Variants in FBXO34 observed in about 807,000 individuals in gnomAD.
FBXO34 encodes F-box only protein 34.
A neutral mutation model predicts 24.5 loss-of-function variants in FBXO34; 12 were observed. The observed-to-expected ratio is 0.49, with a 90% confidence interval of 0.31 to 0.79. FBXO34 has a LOEUF of 0.79. Among genes scored for constraint, FBXO34 ranks in the 30% least tolerant of loss-of-function variants. The pLI, the probability that FBXO34 is intolerant of heterozygous loss-of-function variation, is 0.04. For missense variants in FBXO34, 823 were observed against 857.7 expected (o/e 0.96, Z 0.51); for synonymous variants, 320 against 311.9 (o/e 1.03, Z -0.27).
chr14:55,320,489 C>T (rs1883092014), intron 1 of FBXO34, among the ~76,000 whole-genome samples: 3 of 152,184 alleles, frequency 2.0e-5, no homozygotes, highest in African/African-American at 4.8e-5. Context: ...TGGTGGCTCA[C>T]GCCTGTAATC....
At chr14:55,364,028 G>A (rs548811687), downstream of FBXO34, among the ~76,000 whole-genome samples, 4 of 151,550 alleles carry the variant, frequency 2.6e-5, no homozygotes, top group East Asian at 7.8e-4. Flanking sequence ...TCAGCTCATT[G>A]CAACCTCTGC....
downstream of FBXO34, chr14:55,354,437 C>T (rs1304569730): frequency 1.3e-5 from 2 of 152,170 alleles, no homozygotes; most frequent in African/African-American, 2.4e-5. Context: ...CTGACATTGA[C>T]TATGGCTCTA....
At position 55,342,925 on chromosome 14, in the gene FBXO34, G is replaced by A. The variant is rs370076900; in HGVS notation, c.-10-7456G>A. ...TCATAGTGGGGAAAGTATAGATCCA[G>A]GAGACTGTATTTCCTATCTAATTCT... On this transcript the variant is annotated intron_variant, in intron 1 of 1. Coordinates refer to ENST00000313833, the MANE Select transcript of FBXO34 (RefSeq NM_017943.4). Among the ~76,000 whole-genome samples the A allele has an allele frequency of 3.2e-4, 49 of 152,324 alleles. 1 individual carries two copies. Among genetic ancestry groups the A allele is most frequent in the African/African-American group, 1.2e-3 (49 of 41,572 alleles).
chr14:55,331,183 G>A (rs115973147), intron 1 of FBXO34, among the ~76,000 whole-genome samples: 3,007 of 152,204 alleles, frequency 0.02, 77 homozygotes, highest in African/African-American at 0.069. Flanking sequence ...GGCCCCACTA[G>A]GTAGTTTCAA....
At chr14:55,419,432 C>T in the FBXO34 span, among the ~76,000 whole-genome samples, 3 of 152,108 alleles carry the variant, frequency 2.0e-5, no homozygotes, top group Non-Finnish European at 4.4e-5. Flanking sequence ...TTTGTTATAC[C>T]CCATTCCAGC....
chr14:55,271,455 G>A lies in FBXO34; in HGVS notation c.-93G>A, dbSNP rs1881139662. On this transcript the variant is annotated 5_prime_UTR_variant, in exon 1 of 2. Transcript: ENST00000313833. Reference sequence around the variant, plus strand: ...GACTCAGCGGTGGGGAGTGAGCCAGGCCTCCCGCCACCGCTGCTGCCGCCA... The same window carrying A: ...GACTCAGCGGTGGGGAGTGAGCCAGACCTCCCGCCACCGCTGCTGCCGCCA... 1 of 151,966 alleles carries A rather than the reference G, an allele frequency of 6.6e-6. No homozygotes were observed. Among genetic ancestry groups the A allele is most frequent in the Non-Finnish European group, 1.5e-5 (1 of 68,020 alleles). The allele number at this position is 151,966 out of a possible 1,614,324, so 9.4% of individuals were successfully genotyped here. A position where few individuals can be genotyped will look rare whatever the true frequency, so the allele number is the denominator to read the frequency against.
At chr14:55,398,936 G>A in the FBXO34 span, among the ~76,000 whole-genome samples, 3 of 152,078 alleles carry the variant, frequency 2.0e-5, no homozygotes, top group African/African-American at 7.2e-5. Context: ...AAGGGAACAG[G>A]GATAATGACT....
rs372004017 is a variant in FBXO34, at chr14:55,333,074, G to A, written c.-10-17307G>A. Among the ~76,000 whole-genome samples, 49 of 152,292 alleles carry A rather than the reference G, an allele frequency of 3.2e-4. 1 individual carries two copies. Among genetic ancestry groups the A allele is most frequent in the African/African-American group, 1.2e-3 (49 of 41,566 alleles). ...TGTGCGTGTTTTCTCTTTCTAGTGG[G>A]CTATTGTTAGCTACAAGGTGACCTT... is the stretch of plus-strand genomic sequence containing the variant. On this transcript the variant is annotated intron_variant, in intron 1 of 1. Transcript: ENST00000313833.
At chr14:55,274,592 A>G (rs1453072460) in intron 1 of FBXO34, among the ~76,000 whole-genome samples, 2 of 152,234 alleles carry the variant, frequency 1.3e-5, no homozygotes, top group Non-Finnish European at 2.9e-5. Flanking sequence ...TCTGATGGAT[A>G]AAAGCAAATG....
intron 1 of FBXO34, among the ~76,000 whole-genome samples, chr14:55,312,555 C>T (rs1038363401): frequency 1.3e-5 from 2 of 152,226 alleles, no homozygotes; most frequent in Non-Finnish European, 2.9e-5. Flanking sequence ...GAGGGCTCCA[C>T]CCTGCAGCAA....
At position 55,351,431 on chromosome 14, in the gene FBXO34, T is replaced by G; in HGVS notation, c.1041T>G (p.Ser347=). ...AGGTGAATCCTGTGGGGTCTGTATC[T>G]GTGGATTGTGGCCCTTCAAGAGCTG... ...DTQVNPVGSV[S]VDCGPSRADR... is the part of the protein sequence containing the mutation. Residue 347 remains serine, a synonymous_variant, in exon 2 of 2, where the codon TCT becomes TCG. Coordinates refer to ENST00000313833, the MANE Select transcript of FBXO34 (RefSeq NM_017943.4). The G allele has an allele frequency of 6.2e-7, 1 of 1,614,202 alleles. No individual in the cohort carries two copies. Among genetic ancestry groups the G allele is most frequent in the South Asian group, 1.1e-5 (1 of 91,088 alleles).
At chr14:55,296,807 G>A (rs957675661) in intron 1 of FBXO34, among the ~76,000 whole-genome samples, 1 of 152,082 alleles carries the variant, frequency 6.6e-6, no homozygotes, top group African/African-American at 2.4e-5. Context: ...TTAAAATTTT[G>A]ACTAGAATAT....
intron 1 of FBXO34, among the ~76,000 whole-genome samples, chr14:55,309,816 C>G (rs1190549231): frequency 5.3e-5 from 8 of 152,138 alleles, no homozygotes; most frequent in Admixed American, 6.5e-5. Context: ...TTCATTGTGA[C>G]ACAAAGACCA....
chr14:55,343,732 T>C (rs533618079), intron 1 of FBXO34, among the ~76,000 whole-genome samples: 8 of 152,232 alleles, frequency 5.3e-5, no homozygotes, highest in Admixed American at 2.0e-4. Flanking sequence ...GCCTTTGATA[T>C]TGTGGCTTCC....
chr14:55,351,620 A>G lies in FBXO34; in HGVS notation c.1230A>G (p.Glu410=), dbSNP rs774849882. 36 of 1,613,832 alleles carry G rather than the reference A, an allele frequency of 2.2e-5. No homozygotes were observed. In the South Asian group the frequency reaches 4.0e-4, roughly 18 times the overall value. ...GATATGATGTGGAAATGACAGATGA[A>G]CTCGTTGGGTTACCTTTTTCCTCTC... ...SNRYDVEMTD[E]LVGLPFSSHT... The change falls in exon 2 of 2, where the codon GAA becomes GAG. Residue 410 remains glutamate (E), a synonymous_variant. Transcript: ENST00000313833.
intron 1 of FBXO34, among the ~76,000 whole-genome samples, chr14:55,289,920 A>T (rs1881887220): frequency 6.6e-6 from 1 of 152,018 alleles, no homozygotes; most frequent in Non-Finnish European, 1.5e-5. Flanking sequence ...TTTTCACCTA[A>T]CAGTAGTTTT....
intron 1 of FBXO34, among the ~76,000 whole-genome samples, chr14:55,287,116 G>A (rs1881789661): frequency 6.6e-6 from 1 of 151,994 alleles, no homozygotes; most frequent in African/African-American, 2.4e-5. Context: ...TTGTTGGCCA[G>A]GCTGGTCTTG....
intron 1 of FBXO34, among the ~76,000 whole-genome samples, chr14:55,342,268 G>T (rs1242630661): frequency 2.0e-5 from 3 of 152,200 alleles, no homozygotes; most frequent in African/African-American, 7.2e-5. Context: ...GAAGCCGTGA[G>T]CAGTTTTTGA....
At chr14:55,433,948 G>C in the FBXO34 span, among the ~76,000 whole-genome samples, 37 of 152,226 alleles carry the variant, frequency 2.4e-4, no homozygotes, top group African/African-American at 8.9e-4. Context: ...TGCCTGTTAT[G>C]TTTCAGTTCC....
Sources: allele counts gnomAD v4.1 joint callset (sites outside exome capture counted in the v4.1 genomes callset), GRCh38; gene constraint gnomAD v4.1.1; transcripts MANE v1.5; gene names NCBI Gene and HGNC (gene_info 2026-07-23, HGNC 2026-07-21).